SLC35E1: variants seen among roughly 807,000 people sequenced by gnomAD.
SLC35E1 encodes solute carrier family 35, member E1.
A neutral mutation model predicts 31.0 loss-of-function variants in SLC35E1; 12 were observed. The observed-to-expected ratio is 0.39, with a 90% CI of 0.25 to 0.63. The LOEUF is 0.63. SLC35E1 is among the 20% of genes least tolerant of loss of function. The pLI is 0.52. For missense variants in SLC35E1, 429 were observed against 572.2 expected, an observed-to-expected ratio of 0.75 and a Z score of 2.55; for synonymous variants, 257 against 264.1, an observed-to-expected ratio of 0.97 and a Z score of 0.26.
intron 4 of SLC35E1, among the ~76,000 whole-genome samples, chr19:16,564,569 G>T (rs2085922602): frequency 6.6e-6 from 1 of 152,134 alleles, no homozygotes; most frequent in South Asian, 2.1e-4. Context: ...GCCTCCCAAA[G>T]TGCTGGGATT....
intron 4 of SLC35E1, among the ~76,000 whole-genome samples, chr19:16,563,166 C>A (rs2085915533): frequency 6.6e-6 from 1 of 151,860 alleles, no homozygotes; most frequent in African/African-American, 2.4e-5. Context: ...AGTAAAAACA[C>A]ACAAAAAATT....
intron 4 of SLC35E1, chr19:16,565,158 T>C (rs1432434592): frequency 2.2e-6 from 1 of 456,148 alleles, no homozygotes; most frequent in Admixed American, 2.4e-5. Context: ...AGATTCGACG[T>C]GGAGTAAATG....
At chr19:16,562,163 T>A (rs2085909801) in intron 4 of SLC35E1, among the ~76,000 whole-genome samples, 1 of 151,830 alleles carries the variant, frequency 6.6e-6, no homozygotes, top group Non-Finnish European at 1.5e-5. Flanking sequence ...ATGTCCTAAG[T>A]GCAAGAAAAG....
chr19:16,572,415 C>G lies in SLC35E1; in HGVS notation c.-51G>C. 2 of 971,314 alleles carry G rather than the reference C, an allele frequency of 2.1e-6. No individual in the cohort carries two copies. Among genetic ancestry groups the G allele is most frequent in the Non-Finnish European group, 1.2e-6 (1 of 816,998 alleles). The allele number at this position is 971,314 out of a possible 1,614,324, so 60.2% of individuals were successfully genotyped here. ...GCCCGTCCGACGGCCCGACGCCGGG[C>G]GGGGGCGGGGCTGGGCGGGGGGGCA... On this transcript the variant is annotated 5_prime_UTR_variant, in exon 1 of 6. Transcript: ENST00000595753. The surrounding 1 kb of genome is among the most constrained non-coding windows in gnomAD (Gnocchi z 4.1).
chr19:16,570,526 C>T (rs547987838), intron 2 of SLC35E1, among the ~76,000 whole-genome samples: 2 of 152,246 alleles, frequency 1.3e-5, no homozygotes, highest in African/African-American at 4.8e-5. Context: ...CTTAAGAATA[C>T]GGGATAAAGC....
chr19:16,556,931 T>C, intron 4 of SLC35E1: 1 of 471,594 alleles, frequency 2.1e-6, no homozygotes, highest in South Asian at 1.5e-5. Context: ...ACCTGTGCCA[T>C]ACACCCTGCA....
At chr19:16,564,865 CAGA>C (rs2085923946) in intron 4 of SLC35E1, among the ~76,000 whole-genome samples, 1 of 152,138 alleles carries the variant, frequency 6.6e-6, no homozygotes, top group Non-Finnish European at 1.5e-5. Context: ...AAGTTCTTCA[CAGA>C]AGAATTACAG....
rs1249713386 is a variant in SLC35E1, at chr19:16,552,463, G to T, written c.*1216C>A. ...AATTCGCCTGCCTCAGCAGCCTGAG[G>T]AGCTGGGACTACAGGCACGCGACAC... On this transcript the variant is annotated 3_prime_UTR_variant, in exon 6 of 6. Transcript: ENST00000595753. The T allele has an allele frequency of 1.3e-5, 2 of 151,764 alleles. No homozygotes were observed. The highest frequency in any genetic ancestry group is 4.8e-5 in the African/African-American group (2 of 41,282). The allele number at this position is 151,764 out of a possible 1,614,324, so 9.4% of individuals were successfully genotyped here.
chr19:16,562,714 A>T (rs892922125), intron 4 of SLC35E1, among the ~76,000 whole-genome samples: 3 of 152,090 alleles, frequency 2.0e-5, no homozygotes, highest in African/African-American at 7.2e-5. Flanking sequence ...CTGTATGTTT[A>T]TATTTATTTT....
intron 4 of SLC35E1, among the ~76,000 whole-genome samples, chr19:16,563,989 T>C (rs566603504): frequency 2.6e-5 from 4 of 152,326 alleles, no homozygotes; most frequent in African/African-American, 9.6e-5. Flanking sequence ...ATCTGGACTG[T>C]TCAACTGAAA....
At position 16,555,824 on chromosome 19, in the gene SLC35E1, C is replaced by G. The variant is rs925587501; in HGVS notation, c.757-427G>C. On this transcript the variant is annotated intron_variant, in intron 4 of 5. Coordinates refer to ENST00000595753, the MANE Select transcript of SLC35E1 (RefSeq NM_024881.5). This position sits in a 1 kb window ranked among gnomAD's most constrained non-coding sequence, Gnocchi z 4.1. ...GAAGTACCTGGTAATACGAAAGCCA[C>G]GGGTCTGCACCTATTGCTGCGAGGA... The G allele has an allele frequency of 1.1e-5, 2 of 181,190 alleles. No homozygotes were observed. The highest frequency in any genetic ancestry group is 5.1e-5 in the African/African-American group (2 of 39,092). The allele number at this position is 181,190 out of a possible 1,614,324, so 11.2% of individuals were successfully genotyped here.
chr19:16,559,059 C>T (rs544133303), intron 4 of SLC35E1, among the ~76,000 whole-genome samples: 51 of 152,242 alleles, frequency 3.3e-4, no homozygotes, highest in Admixed American at 3.1e-3. Context: ...TGAGCCACCA[C>T]GCCCAGCCAA....
Position 16,564,624 on chromosome 19 carries a change from T to A in SLC35E1, c.756+1908A>T, listed in dbSNP as rs551344070. ...CCTGGCCAAGACAGGACAATTTGAC[T>A]AGGAAAACGAATAATTCATGCAACT... is the stretch of plus-strand genomic sequence containing the variant. On this transcript the variant is annotated intron_variant, in intron 4 of 5. Transcript: ENST00000595753. Among the ~76,000 whole-genome samples the A allele has an allele frequency of 1.4e-4, 21 of 152,196 alleles. No homozygotes were observed. The South Asian group carries it at 4.4e-3, about 32-fold the overall frequency.
At position 16,551,034 on chromosome 19, in the gene SLC35E1, CA is replaced by C. The variant is rs2085842679; in HGVS notation, c.*2644del. 1 of 152,146 alleles carries C rather than the reference CA, an allele frequency of 6.6e-6. No homozygotes were observed. Among genetic ancestry groups the C allele is most frequent in the African/African-American group, 2.4e-5 (1 of 41,434 alleles). 9.4% of individuals were successfully genotyped at this position (152,146 alleles called of 1,614,324 possible). On this transcript the variant is annotated 3_prime_UTR_variant, in exon 6 of 6. Transcript: ENST00000595753. Reference sequence around the variant, plus strand: ...TCATTTTGGAGTTCAATAATATGTTCAAAGAATCAGGTACTATATATAATCA... The same window carrying C: ...TCATTTTGGAGTTCAATAATATGTTCAAGAATCAGGTACTATATATAATCA...
Position 16,555,586 on chromosome 19 carries a change from CA to C in SLC35E1, c.757-190del. 1.5e-6 allele frequency: 1 copy of C among 669,122 alleles called. No homozygotes were observed. The highest frequency in any genetic ancestry group is 2.0e-5 in the South Asian group (1 of 50,748). The allele number at this position is 669,122 out of a possible 1,614,324, so 41.4% of individuals were successfully genotyped here. On this transcript the variant is annotated intron_variant, in intron 4 of 5. Transcript: ENST00000595753. The surrounding 1 kb of genome is among the most constrained non-coding windows in gnomAD (Gnocchi z 4.1). ...CTTTAGGTCCATGACCTCAGAACCT[CA>C]TGACACCACACAGCATGGGAATCAC...
chr19:16,568,932 G>A (rs1313138980), intron 2 of SLC35E1, among the ~76,000 whole-genome samples: 1 of 152,152 alleles, frequency 6.6e-6, no homozygotes, highest in Admixed American at 6.5e-5. Flanking sequence ...TCCACAAGGA[G>A]TGCTTTCTCC....
chr19:16,564,301 AT>A (rs965116549), intron 4 of SLC35E1: 10 of 151,824 alleles, frequency 6.6e-5, no homozygotes, highest in South Asian at 2.1e-4. Context: ...AGACAGGACA[AT>A]TTTTTTTTCT....
chr19:16,562,461 G>C, intron 4 of SLC35E1, among the ~76,000 whole-genome samples: 1 of 152,176 alleles, frequency 6.6e-6, no homozygotes. Flanking sequence ...AGATATTCAA[G>C]TCCCTTTTAT....
At position 16,554,182 on chromosome 19, in the gene SLC35E1, C is replaced by T. The variant is rs191370636; in HGVS notation, c.1003-273G>A. 1.7e-3 allele frequency among the ~76,000 whole-genome samples: 260 copies of T among 149,362 alleles called. 2 individuals are homozygous for T. The highest frequency in any genetic ancestry group is 6.0e-3 in the African/African-American group (243 of 40,450). ...CAGGCGTTCTGAGGCACAAGAATCA[C>T]TTGAACCCAGGAGGCGGAGGTTGCA... On this transcript the variant is annotated intron_variant, in intron 5 of 5. Transcript: ENST00000595753.
Sources: allele counts gnomAD v4.1 joint callset (sites outside exome capture counted in the v4.1 genomes callset), GRCh38; gene constraint gnomAD v4.1.1; non-coding constraint Gnocchi (gnomAD v3.1); transcripts MANE v1.5; gene names NCBI Gene and HGNC (gene_info 2026-07-23, HGNC 2026-07-21).